Variants in NEK7 observed in about 807,000 individuals in gnomAD.
The protein encoded by NEK7 is serine/threonine-protein kinase Nek7.
Under a neutral mutation model 44.6 loss-of-function variants are expected in NEK7, and 18 were observed. That is an observed-to-expected ratio of 0.40 (90% CI 0.28 to 0.60). NEK7 has a LOEUF of 0.60. Ranked by LOEUF, NEK7 falls within the 20% of genes least tolerant of loss-of-function variation. NEK7 has a pLI of 0.38. For missense variants in NEK7, 256 were observed against 366.5 expected (o/e 0.70, Z 2.46); for synonymous variants, 130 against 121.1 (o/e 1.07, Z -0.48).
At chr1:198,177,934 G>GA (rs746152756) in intron 1 of NEK7, among the ~76,000 whole-genome samples, 27 of 151,526 alleles carry the variant, frequency 1.8e-4, no homozygotes, top group Non-Finnish European at 3.0e-4. Flanking sequence ...GGCAAGAGAT[G>GA]AAAAAAAATA....
intron 5 of NEK7, among the ~76,000 whole-genome samples, chr1:198,265,652 T>C (rs1386423330): frequency 6.6e-6 from 1 of 152,086 alleles, no homozygotes; most frequent in African/African-American, 2.4e-5. Flanking sequence ...TCAATTGTTA[T>C]AGAAGTTACT....
intron 1 of NEK7, among the ~76,000 whole-genome samples, chr1:198,206,329 G>A (rs1665597076): frequency 6.6e-6 from 1 of 152,108 alleles, no homozygotes. Context: ...TGGCTGATAT[G>A]TGCTCATTTC....
chr1:198,190,923 A>G (rs1025910024), intron 1 of NEK7, among the ~76,000 whole-genome samples: 1 of 152,068 alleles, frequency 6.6e-6, no homozygotes, highest in African/African-American at 2.4e-5. Context: ...CATGAGTTTT[A>G]TATAGTACTT....
At chr1:198,184,616 A>G (rs1664862790) in intron 1 of NEK7, among the ~76,000 whole-genome samples, 1 of 152,176 alleles carries the variant, frequency 6.6e-6, no homozygotes, top group African/African-American at 2.4e-5. Context: ...ACAATGCAAC[A>G]ACCATGGCAA....
intron 7 of NEK7, among the ~76,000 whole-genome samples, chr1:198,286,736 C>T (rs1213060375): frequency 6.6e-6 from 1 of 152,174 alleles, no homozygotes; most frequent in African/African-American, 2.4e-5. Context: ...CATTTCTTGT[C>T]TATTCAGATT....
intron 5 of NEK7, among the ~76,000 whole-genome samples, chr1:198,275,351 G>A (rs550870965): frequency 3.6e-4 from 55 of 151,198 alleles, no homozygotes; most frequent in Non-Finnish European, 5.2e-4. Flanking sequence ...TTGTAAAAGC[G>A]CCCTGTCACA....
chr1:198,268,847 C>G (rs1014984549), intron 5 of NEK7, among the ~76,000 whole-genome samples: 3 of 152,118 alleles, frequency 2.0e-5, no homozygotes, highest in African/African-American at 7.2e-5. Flanking sequence ...CCTGCTCTTG[C>G]TGTGGCTCAT....
chr1:198,303,581 C>T (rs1474012035), intron 9 of NEK7, among the ~76,000 whole-genome samples: 1 of 151,862 alleles, frequency 6.6e-6, no homozygotes, highest in East Asian at 1.9e-4. Flanking sequence ...TTCATTTGAG[C>T]AGTCCAAATA....
At chr1:198,172,483 G>A (rs1269248878) in intron 1 of NEK7, among the ~76,000 whole-genome samples, 1 of 152,158 alleles carries the variant, frequency 6.6e-6, no homozygotes, top group Non-Finnish European at 1.5e-5. Flanking sequence ...AGCAGTAGGA[G>A]CATGATCATG....
intron 5 of NEK7, among the ~76,000 whole-genome samples, chr1:198,274,743 A>G (rs1177354766): frequency 1.3e-5 from 2 of 151,716 alleles, no homozygotes; most frequent in East Asian, 3.9e-4. Flanking sequence ...GAGTTCAAAA[A>G]TGATACTTAG....
rs535682515 is a variant in NEK7, at chr1:198,231,802, T to C, written c.-28-751T>C. Among the ~76,000 whole-genome samples the C allele has an allele frequency of 1.1e-4, 17 of 152,184 alleles. No homozygotes were observed. In the South Asian group the frequency reaches 3.5e-3, roughly 32 times the overall value. ...AGTATGATGAAGTGAAGATGTGTTT[T>C]AGTTGTTCCATCAGTTAATCCCATT... On this transcript the variant is annotated intron_variant, in intron 1 of 9. Transcript: ENST00000367385.
At chr1:198,215,462 TATAAG>T (rs1273198020) in intron 1 of NEK7, among the ~76,000 whole-genome samples, 2 of 152,180 alleles carry the variant, frequency 1.3e-5, no homozygotes. Context: ...CTTAAAACAT[TATAAG>T]ATATTTTTGC....
chr1:198,242,141 C>A lies in NEK7; in HGVS notation c.57+9504C>A, dbSNP rs147479919. 2.0e-3 allele frequency among the ~76,000 whole-genome samples: 304 copies of A among 152,106 alleles called. 1 individual carries two copies. Among genetic ancestry groups the A allele is most frequent in the Middle Eastern group, 6.8e-3 (2 of 294 alleles). On this transcript the variant is annotated intron_variant, in intron 2 of 9. Transcript: ENST00000367385. ...TTTTGACTCCATCTCAAATTATATT[C>A]TTATTACATCTACTGTCCTCATCTC...
intron 9 of NEK7, among the ~76,000 whole-genome samples, chr1:198,315,073 A>G (rs1010644681): frequency 1.3e-5 from 2 of 152,130 alleles, no homozygotes; most frequent in African/African-American, 4.8e-5. Flanking sequence ...CTGCTGTGCT[A>G]GCAATCAGGG....
chr1:198,297,227 A>G lies in NEK7; in HGVS notation c.785A>G (p.His262Arg). 6.2e-7 allele frequency: 1 copy of G among 1,613,392 alleles called. No individual in the cohort carries two copies. The highest frequency in any genetic ancestry group is 1.3e-5 in the African/African-American group (1 of 75,024). ...GACTACCCACCTCTTCCTTCAGATC[A>G]CTATTCAGAAGAAGTAAGTCATTTT... Reference protein sequence around the residue: ...QCDYPPLPSDHYSEELRQLVN... With the variant: ...QCDYPPLPSDRYSEELRQLVN... The change falls in exon 9 of 10, where the codon CAC becomes CGC. Residue 262 changes from histidine (H) to arginine (R), a missense_variant. His to Arg is a conservative substitution (Grantham distance 29). Coordinates refer to ENST00000367385, the MANE Select transcript of NEK7 (RefSeq NM_133494.3).
chr1:198,218,254 T>G (rs10801652), intron 1 of NEK7, among the ~76,000 whole-genome samples: 51,106 of 151,652 alleles, frequency 0.34, 9,838 homozygotes, highest in East Asian at 0.8. Context: ...AGAGAACCTC[T>G]AAATAAAGAC....
At chr1:198,222,482 C>G (rs936160712) in intron 1 of NEK7, among the ~76,000 whole-genome samples, 1 of 152,116 alleles carries the variant, frequency 6.6e-6, no homozygotes, top group Non-Finnish European at 1.5e-5. Flanking sequence ...CTGACACCTG[C>G]CCTGTTTTTA....
At chr1:198,290,312 G>C (rs1654514032) in intron 7 of NEK7, among the ~76,000 whole-genome samples, 1 of 152,122 alleles carries the variant, frequency 6.6e-6, no homozygotes, top group Non-Finnish European at 1.5e-5. Context: ...CAACATTCTT[G>C]AGGCAACAGT....
At chr1:198,231,151 G>A (rs1027584726) in intron 1 of NEK7, among the ~76,000 whole-genome samples, 3 of 149,572 alleles carry the variant, frequency 2.0e-5, no homozygotes, top group Non-Finnish European at 4.4e-5. Flanking sequence ...TTTATATAGA[G>A]TAGTAATAGT....
Sources: allele counts gnomAD v4.1 joint callset (sites outside exome capture counted in the v4.1 genomes callset), GRCh38; gene constraint gnomAD v4.1.1; transcripts MANE v1.5; gene names NCBI Gene and HGNC (gene_info 2026-07-23, HGNC 2026-07-21).